Variants in STPG4 observed in about 807,000 individuals in gnomAD.
STPG4 encodes the protein sperm-tail PG-rich repeat containing 4.
In STPG4, 41 loss-of-function variants were observed where a neutral mutation model predicts 31.5. The observed-to-expected ratio is 1.30, with a 90% CI of 1.01 to 1.69. The LOEUF (loss-of-function observed/expected upper bound fraction) is 1.69. Among genes scored for constraint, STPG4 ranks in the 40% most tolerant of loss-of-function variants. STPG4 has a pLI of 0.00. For synonymous variants in STPG4, 141 were observed against 103.0 expected (o/e 1.37, Z -2.24); for missense variants, 375 against 293.4 (o/e 1.28, Z -2.03).
At chr2:47,137,764 G>A (rs1222650260) in intron 3 of STPG4, among the ~76,000 whole-genome samples, 1 of 152,054 alleles carries the variant, frequency 6.6e-6, no homozygotes. Context: ...TGGAAATAGG[G>A]TTATTCAGAA....
intron 5 of STPG4, among the ~76,000 whole-genome samples, chr2:47,109,556 GAAAAAAA>G (rs533888510): frequency 1.1e-5 from 1 of 88,818 alleles, no homozygotes; most frequent in Non-Finnish European, 2.4e-5. Context: ...CTATGTATCA[GAAAAAAA>G]AAAAAAAAAA....
At chr2:47,101,903 C>A (rs1257359880) in intron 5 of STPG4, among the ~76,000 whole-genome samples, 1 of 151,742 alleles carries the variant, frequency 6.6e-6, no homozygotes, top group Non-Finnish European at 1.5e-5. Flanking sequence ...CCAACACTAA[C>A]AGGAGAATGC....
At chr2:47,142,128 A>T (rs947516388) in intron 3 of STPG4, among the ~76,000 whole-genome samples, 4 of 151,930 alleles carry the variant, frequency 2.6e-5, no homozygotes, top group African/African-American at 9.7e-5. Flanking sequence ...AAACACAGCT[A>T]GCAAAGATCA....
intron 5 of STPG4, among the ~76,000 whole-genome samples, chr2:47,102,715 T>G (rs1324557483): frequency 6.6e-6 from 1 of 150,812 alleles, no homozygotes; most frequent in Admixed American, 6.6e-5. Context: ...CAAAGAAATC[T>G]CCAAAGGACC....
At chr2:47,106,263 C>CACTA (rs1451395857) in intron 5 of STPG4, among the ~76,000 whole-genome samples, 1 of 151,902 alleles carries the variant, frequency 6.6e-6, no homozygotes, top group Non-Finnish European at 1.5e-5. Context: ...TCTGCCTCCC[C>CACTA]ACTAACTGGA....
chr2:47,120,549 A>T (rs1203233681), intron 5 of STPG4, among the ~76,000 whole-genome samples: 1 of 139,684 alleles, frequency 7.2e-6, no homozygotes, highest in Admixed American at 7.9e-5. Flanking sequence ...CCTGGGCGAA[A>T]GAGCAAGACT....
chr2:47,144,882 C>T (rs1372209340), intron 3 of STPG4, among the ~76,000 whole-genome samples: 1 of 152,158 alleles, frequency 6.6e-6, no homozygotes, highest in African/African-American at 2.4e-5. Flanking sequence ...AGGTGCGTGC[C>T]ACCATGCCTG....
chr2:47,145,399 G>A (rs371020077), intron 3 of STPG4, among the ~76,000 whole-genome samples: 2 of 152,166 alleles, frequency 1.3e-5, no homozygotes, highest in East Asian at 1.9e-4. Context: ...GAAGAAACCC[G>A]TCCCTGAGAG....
At chr2:47,099,117 A>G (rs68122120) in intron 5 of STPG4, among the ~76,000 whole-genome samples, 21,909 of 152,206 alleles carry the variant, frequency 0.14, 1,665 homozygotes, top group Non-Finnish European at 0.16. Context: ...GGCAACACCA[A>G]GTGATCACAA....
intron 3 of STPG4, among the ~76,000 whole-genome samples, chr2:47,133,644 C>T (rs1400671835): frequency 8.0e-6 from 1 of 124,958 alleles, no homozygotes; most frequent in Non-Finnish European, 1.6e-5. Flanking sequence ...ATGGCGCAAT[C>T]TCGGCTCACC....
intron 6 of STPG4, 76 bp downstream of exon 6, chr2:47,090,194 C>G: frequency 1.0e-6 from 1 of 994,618 alleles, no homozygotes; most frequent in South Asian, 1.4e-5. Flanking sequence ...ACCTCCTACA[C>G]ACATAGAAAC....
At chr2:47,136,049 T>C (rs1012193332) in intron 3 of STPG4, among the ~76,000 whole-genome samples, 2 of 152,260 alleles carry the variant, frequency 1.3e-5, no homozygotes, top group African/African-American at 4.8e-5. Flanking sequence ...TGGGATTGCA[T>C]GGAATTTAAA....
At chr2:47,117,276 C>T (rs996784607) in intron 5 of STPG4, among the ~76,000 whole-genome samples, 4 of 152,180 alleles carry the variant, frequency 2.6e-5, no homozygotes, top group African/African-American at 9.6e-5. Context: ...ATGGCACTAT[C>T]TCAGCTCACT....
At chr2:47,113,700 A>G (rs1405051344) in intron 5 of STPG4, among the ~76,000 whole-genome samples, 1 of 152,202 alleles carries the variant, frequency 6.6e-6, no homozygotes. Flanking sequence ...CCTGTACATA[A>G]TCTTTAGTAA....
intron 3 of STPG4, among the ~76,000 whole-genome samples, chr2:47,150,822 T>C (rs1364294232): frequency 6.6e-6 from 1 of 152,078 alleles, no homozygotes; most frequent in Non-Finnish European, 1.5e-5. Context: ...GTCATTTCTA[T>C]AAGAAAAGTT....
At chr2:47,100,868 AGAAG>A (rs1266385212) in intron 5 of STPG4, among the ~76,000 whole-genome samples, 1 of 151,758 alleles carries the variant, frequency 6.6e-6, no homozygotes, top group Non-Finnish European at 1.5e-5. Context: ...TCCGAACATC[AGAAG>A]GAACAAACTC....
intron 5 of STPG4, among the ~76,000 whole-genome samples, chr2:47,100,727 GC>G (rs765558872): frequency 2.6e-5 from 4 of 151,500 alleles, no homozygotes; most frequent in Non-Finnish European, 5.9e-5. Flanking sequence ...GAGACCATGA[GC>G]CCACTGGGAG....
At chr2:47,121,539 C>T (rs1448188710) in intron 5 of STPG4, among the ~76,000 whole-genome samples, 1 of 152,180 alleles carries the variant, frequency 6.6e-6, no homozygotes, top group African/African-American at 2.4e-5. Flanking sequence ...GTCCTTATCC[C>T]ACCCATCCAG....
intron 5 of STPG4, among the ~76,000 whole-genome samples, chr2:47,112,191 G>T (rs1038491450): frequency 1.3e-5 from 2 of 152,098 alleles, no homozygotes; most frequent in Non-Finnish European, 2.9e-5. Context: ...TTTTGAGACG[G>T]AGTCTTGCTC....
Sources: allele counts gnomAD v4.1 joint callset (sites outside exome capture counted in the v4.1 genomes callset), GRCh38; gene constraint gnomAD v4.1.1; transcripts MANE v1.5; gene names NCBI Gene and HGNC (gene_info 2026-07-23, HGNC 2026-07-21).